Variants in MTCH2 observed in about 807,000 individuals in gnomAD.
The protein encoded by MTCH2 is mitochondrial carrier homolog 2.
In MTCH2, 25 loss-of-function variants were observed where a neutral mutation model predicts 50.6. That is an observed-to-expected ratio of 0.49 (90% confidence interval 0.36 to 0.69). The LOEUF is 0.69. Among genes scored for constraint, MTCH2 ranks in the 30% least tolerant of loss-of-function variants. The probability of loss-of-function intolerance (pLI) is 0.00; values close to 1 mark genes in which losing one functional copy is unlikely to be tolerated. For missense variants in MTCH2, 273 were observed against 384.4 expected, an observed-to-expected ratio of 0.71 and a Z score of 2.42; for synonymous variants, 106 against 132.0, an observed-to-expected ratio of 0.80 and a Z score of 1.35.
chr11:47,618,858 CAAT>C lies in MTCH2; in HGVS notation c.884_886del (p.Tyr295del). On this transcript the variant is annotated inframe_deletion, in exon 13 of 13. Coordinates refer to ENST00000302503, the MANE Select transcript of MTCH2 (RefSeq NM_014342.4). ...TCAAATTAACATTTTCAGGTCACAA[CAAT>C]AAGTCTTCCCAAAGGGGACCTTCCG... 1.2e-6 allele frequency: 2 copies of C among 1,614,040 alleles called. No homozygotes were observed. Among genetic ancestry groups the C allele is most frequent in the Non-Finnish European group, 1.7e-6 (2 of 1,179,936 alleles).
chr11:47,605,225 G>C, the MTCH2 span, among the ~76,000 whole-genome samples: 15 of 152,202 alleles, frequency 9.9e-5, no homozygotes, highest in African/African-American at 3.6e-4. Context: ...ACCGTGCCCG[G>C]CTGTCTCCCA....
intron 12 of MTCH2, among the ~76,000 whole-genome samples, chr11:47,622,358 G>T (rs989869735): frequency 5.3e-5 from 8 of 151,938 alleles, no homozygotes; most frequent in African/African-American, 1.9e-4. Context: ...TGAGTTTGGG[G>T]GAAAAAAAGA....
At chr11:47,636,781 G>C (rs185666211) in intron 3 of MTCH2, among the ~76,000 whole-genome samples, 1 of 152,040 alleles carries the variant, frequency 6.6e-6, no homozygotes, top group East Asian at 1.9e-4. Context: ...AACATGCGCA[G>C]TGACTCACGC....
At chr11:47,639,432 C>A (rs923151601) in intron 1 of MTCH2, among the ~76,000 whole-genome samples, 7 of 152,246 alleles carry the variant, frequency 4.6e-5, no homozygotes, top group Non-Finnish European at 7.3e-5. Flanking sequence ...ACATCCATTA[C>A]GCCAGCATCA....
At chr11:47,606,086 GGCAAAGGTCCCTGGATCTTATCT>G in the MTCH2 span, among the ~76,000 whole-genome samples, 1 of 152,000 alleles carries the variant, frequency 6.6e-6, no homozygotes, top group Admixed American at 6.6e-5. Context: ...TAGCCACATT[GGCAAAGGTCCCTGGATCTTATCT>G]GCAAAGGTCT....
chr11:47,630,522 G>A, intron 8 of MTCH2, 33 bp downstream of exon 8: 1 of 1,556,266 alleles, frequency 6.4e-7, no homozygotes, highest in Non-Finnish European at 8.9e-7. Flanking sequence ...TCCCACTCAT[G>A]CAAAAATTAC....
At chr11:47,607,015 C>T in the MTCH2 span, among the ~76,000 whole-genome samples, 4 of 152,312 alleles carry the variant, frequency 2.6e-5, no homozygotes, top group Admixed American at 6.5e-5. Flanking sequence ...GCAGTCTCAC[C>T]CTCAACACCT....
chr11:47,633,522 ATATATTTTTTTTTTTT>A (rs1458605066), intron 5 of MTCH2, among the ~76,000 whole-genome samples: 1 of 26,520 alleles, frequency 3.8e-5, no homozygotes, highest in African/African-American at 1.3e-4. Context: ...ATATATATAT[ATATATTTTTTTTTTTT>A]TTTTTTTTTT....
At chr11:47,628,275 T>A (rs1003704933) in intron 9 of MTCH2, among the ~76,000 whole-genome samples, 8 of 152,120 alleles carry the variant, frequency 5.3e-5, no homozygotes, top group Non-Finnish European at 7.4e-5. Context: ...CCCTCTTAAG[T>A]CCAGATTAGA....
chr11:47,616,208 T>C (rs2097288307), downstream of MTCH2, among the ~76,000 whole-genome samples: 1 of 152,126 alleles, frequency 6.6e-6, no homozygotes, highest in Admixed American at 6.6e-5. Context: ...TGGACTCAAG[T>C]GATCCACTGC....
chr11:47,622,847 G>T, intron 11 of MTCH2, 71 bp from the exon 12 acceptor site: 1 of 963,028 alleles, frequency 1.0e-6, no homozygotes, highest in Non-Finnish European at 1.5e-6. Flanking sequence ...GATAAACCTT[G>T]TCAAAATATT....
chr11:47,636,294 C>T (rs1482594147), intron 3 of MTCH2, among the ~76,000 whole-genome samples: 4 of 151,916 alleles, frequency 2.6e-5, no homozygotes, highest in Non-Finnish European at 5.9e-5. Flanking sequence ...ATTAGCTGGG[C>T]TTGGTGGCGG....
intron 2 of MTCH2, 72 bp from the exon 3 acceptor site, chr11:47,638,877 C>T: frequency 6.3e-7 from 1 of 1,575,850 alleles, no homozygotes; most frequent in Non-Finnish European, 8.7e-7. Flanking sequence ...TTCAAAGAAA[C>T]AAGCTTTCTA....
At chr11:47,611,954 G>A in the MTCH2 span, among the ~76,000 whole-genome samples, 31,205 of 151,936 alleles carry the variant, frequency 0.21, 3,711 homozygotes, top group East Asian at 0.3. Flanking sequence ...GGACACTGGC[G>A]ACCAGAACAC....
chr11:47,639,047 C>A lies in MTCH2; in HGVS notation c.92G>T (p.Gly31Val). ...LMYVKVLIQV[G>V]YEPLPPTIGR... Reference sequence around the variant, plus strand: ...TATTGTTGGAGGAAGAGGCTCATATCCCACCTTTAAAAACAATGGAATATA... The same window carrying A: ...TATTGTTGGAGGAAGAGGCTCATATACCACCTTTAAAAACAATGGAATATA... Residue 31 changes from glycine (G) to valine (V), a missense_variant, in exon 2 of 13, where the codon GGA (glycine) becomes GTA (valine). Physicochemically the swap from Gly to Val is moderately radical, Grantham distance 109. Around this residue, in one of 2 missense-constraint regions of MTCH2, gnomAD observed 203 missense variants for 244.3 expected, o/e 0.83. Transcript: ENST00000302503. 6.2e-7 allele frequency: 1 copy of A among 1,608,232 alleles called. No homozygotes were observed.
Position 47,638,808 on chromosome 11 carries a change from A to G in MTCH2, c.173-3T>C. The G allele has an allele frequency of 6.7e-7, 1 of 1,485,910 alleles. No homozygotes were observed. Among genetic ancestry groups the G allele is most frequent in the Non-Finnish European group, 8.9e-7 (1 of 1,118,318 alleles). The allele number at this position is 1,485,910 out of a possible 1,614,324, so 92.0% of individuals were successfully genotyped here. On this transcript the variant is annotated splice_region_variant and splice_polypyrimidine_tract_variant and intron_variant, in intron 2 of 12. Transcript: ENST00000302503. ...ATCGATACTGGCAATGTGCTGAGCT[A>G]AGAACACAAGTCAGAGATGTTGTCA...
chr11:47,613,944 C>T (rs576343505), downstream of MTCH2, among the ~76,000 whole-genome samples: 8 of 152,030 alleles, frequency 5.3e-5, no homozygotes, highest in East Asian at 5.8e-4. Flanking sequence ...AAATGAGCCG[C>T]GGGTGGTGAC....
rs539057802 is a variant in MTCH2 at position 47,632,696 on chromosome 11, T to TA, written c.370-986_370-985insT. Among the ~76,000 whole-genome samples the TA allele has an allele frequency of 6.7e-5, 10 of 149,692 alleles. No homozygotes were observed. In the East Asian group the frequency reaches 1.8e-3, roughly 27 times the overall value. On this transcript the variant is annotated intron_variant, in intron 5 of 12. Coordinates refer to ENST00000302503, the MANE Select transcript of MTCH2 (RefSeq NM_014342.4). ...AAACAGTATCTTTATGGTCACTGAG[T>TA]TTTTTCTTTTCTTTTTTTTTGAGAC...
chr11:47,613,965 A>C (rs561939353), downstream of MTCH2, among the ~76,000 whole-genome samples: 1 of 152,258 alleles, frequency 6.6e-6, no homozygotes, highest in Non-Finnish European at 1.5e-5. Context: ...ATGCACCTGT[A>C]ATCCCAGCTA....
Sources: allele counts gnomAD v4.1 joint callset (sites outside exome capture counted in the v4.1 genomes callset), GRCh38; gene constraint gnomAD v4.1.1; regional missense constraint gnomAD v4.1.1; transcripts MANE v1.5; gene names NCBI Gene and HGNC (gene_info 2026-07-23, HGNC 2026-07-21).